The following PRRC2B variants were observed in gnomAD, a reference collection of about 807,000 sequenced individuals.
The protein encoded by PRRC2B is protein PRRC2B.
PRRC2B carries 68 observed loss-of-function variants against 242.3 expected under a neutral mutation model. The ratio of observed to expected loss-of-function variants is 0.28; its 90% confidence interval spans 0.23 to 0.34. The LOEUF (loss-of-function observed/expected upper bound fraction) is 0.34. Among genes scored for constraint, PRRC2B ranks in the 10% least tolerant of loss-of-function variants. The pLI is 1.00. For missense variants in PRRC2B, 2,835 were observed against 2,954.8 expected, an observed-to-expected ratio of 0.96 and a Z score of 0.94; for synonymous variants, 1,228 against 1,173.6, an observed-to-expected ratio of 1.05 and a Z score of -0.95.
intron 1 of PRRC2B, among the ~76,000 whole-genome samples, chr9:131,408,980 A>G (rs566715407): frequency 6.0e-5 from 9 of 149,292 alleles, no homozygotes; most frequent in East Asian, 2.0e-4. Context: ...CGGCCTCCCA[A>G]AGTGCTGGGA....
At chr9:131,416,333 C>A (rs2131303439) in intron 1 of PRRC2B, among the ~76,000 whole-genome samples, 1 of 152,104 alleles carries the variant, frequency 6.6e-6, no homozygotes, top group African/African-American at 2.4e-5. Context: ...GGTCTCGAAC[C>A]CCTGACCTCA....
At chr9:131,457,538 G>A (rs750510791) in intron 10 of PRRC2B, among the ~76,000 whole-genome samples, 11 of 152,312 alleles carry the variant, frequency 7.2e-5, no homozygotes, top group South Asian at 4.1e-4. Flanking sequence ...TAGAGACTTA[G>A]TGCATGCATC....
intron 1 of PRRC2B, among the ~76,000 whole-genome samples, chr9:131,412,616 G>A (rs1174532506): frequency 6.6e-6 from 1 of 152,208 alleles, no homozygotes; most frequent in East Asian, 1.9e-4. Flanking sequence ...TCCTTGCTCT[G>A]CTGACGCTGT....
At chr9:131,408,605 T>C (rs1373440848) in intron 1 of PRRC2B, among the ~76,000 whole-genome samples, 1 of 152,228 alleles carries the variant, frequency 6.6e-6, no homozygotes, top group African/African-American at 2.4e-5. Context: ...TTCCTGCATT[T>C]GTAGAGAAGA....
chr9:131,448,549 A>AAAAAAAAAAAAAAAC (rs1838894259), intron 9 of PRRC2B, among the ~76,000 whole-genome samples: 15 of 85,930 alleles, frequency 1.7e-4, no homozygotes, highest in Non-Finnish European at 2.7e-4. Flanking sequence ...GTCTCAAAAA[A>AAAAAAAAAAAAAAAC]AAAAAAAAAA....
chr9:131,473,395 T>C, intron 14 of PRRC2B, 113 bp from the exon 15 acceptor site: 2 of 738,468 alleles, frequency 2.7e-6, no homozygotes, highest in Non-Finnish European at 2.2e-6. Flanking sequence ...TGGGGTGCTG[T>C]ATCCACATGA....
rs187157895 is a variant in PRRC2B, at chr9:131,486,081, C to T, written c.5759-4C>T. Reference sequence around the variant, plus strand: ...CTACGTCCCTTTTGCCGCTCTGTTTCCAGGCAGCCACCTCCCGCCCCTGTA... The same window carrying T: ...CTACGTCCCTTTTGCCGCTCTGTTTTCAGGCAGCCACCTCCCGCCCCTGTA... On this transcript the variant is annotated splice_polypyrimidine_tract_variant and splice_region_variant and intron_variant, in intron 25 of 31. Transcript: ENST00000683519. 8.2e-5 allele frequency: 131 copies of T among 1,607,018 alleles called. No individual in the cohort carries two copies. The African/African-American group carries it at 1.6e-3, about 19-fold the overall frequency.
intron 5 of PRRC2B, among the ~76,000 whole-genome samples, chr9:131,439,465 G>C (rs1838483808): frequency 2.6e-5 from 4 of 152,234 alleles, no homozygotes; most frequent in African/African-American, 9.6e-5. Context: ...CTGTAAAGCA[G>C]CACTGGCTGC....
chr9:131,459,058 A>T (rs1943165722), intron 10 of PRRC2B, 106 bp from the exon 11 acceptor site: 6 of 967,048 alleles, frequency 6.2e-6, no homozygotes, highest in Non-Finnish European at 9.5e-6. Flanking sequence ...TAATGAAGAA[A>T]ATGATTTGGA....
intron 13 of PRRC2B, among the ~76,000 whole-genome samples, chr9:131,470,077 T>C (rs1443126966): frequency 6.6e-6 from 1 of 152,054 alleles, no homozygotes; most frequent in Non-Finnish European, 1.5e-5. Flanking sequence ...GAAGAGGCGC[T>C]TACCTAGGGG....
chr9:131,386,659 C>A (rs1323263121), intron 1 of PRRC2B, among the ~76,000 whole-genome samples: 2 of 150,038 alleles, frequency 1.3e-5, no homozygotes, highest in African/African-American at 4.9e-5. Flanking sequence ...TCTGTTGTAG[C>A]CAATGAGGTC....
intron 11 of PRRC2B, among the ~76,000 whole-genome samples, chr9:131,463,542 C>G (rs1455322152): frequency 1.3e-5 from 2 of 151,820 alleles, no homozygotes; most frequent in East Asian, 3.9e-4. Context: ...CCCCTGCAGA[C>G]CAGTAAGAAA....
At chr9:131,492,381 C>A (rs1164406185) in intron 30 of PRRC2B, 121 bp downstream of exon 30, 3 of 701,904 alleles carry the variant, frequency 4.3e-6, no homozygotes, top group Non-Finnish European at 7.5e-6. Flanking sequence ...CCTCTATGGG[C>A]CATGTGTCAC....
intron 28 of PRRC2B, 161 bp from the exon 29 acceptor site, chr9:131,491,264 T>A (rs1318007804): frequency 1.4e-6 from 1 of 711,036 alleles, no homozygotes; most frequent in East Asian, 3.0e-5. Flanking sequence ...CGATCTCTCC[T>A]GTGCTGCAGT....
intron 30 of PRRC2B, among the ~76,000 whole-genome samples, chr9:131,493,679 C>T (rs2131489011): frequency 6.6e-6 from 1 of 152,296 alleles, no homozygotes; most frequent in South Asian, 2.1e-4. Context: ...GCAGTGTTTG[C>T]CAAAGTGTTC....
chr9:131,377,031 T>G (rs970197837), intron 1 of PRRC2B, among the ~76,000 whole-genome samples: 1 of 152,160 alleles, frequency 6.6e-6, no homozygotes, highest in African/African-American at 2.4e-5. Context: ...AAAAAAAGTT[T>G]GTTGTGATGC....
chr9:131,449,759 T>C (rs1249368150), intron 9 of PRRC2B, among the ~76,000 whole-genome samples: 2 of 152,190 alleles, frequency 1.3e-5, no homozygotes, highest in African/African-American at 4.8e-5. Context: ...TTTACAAATT[T>C]GGGTTTTTTT....
intron 23 of PRRC2B, among the ~76,000 whole-genome samples, chr9:131,484,105 T>C (rs1406605566): frequency 6.6e-6 from 1 of 152,218 alleles, no homozygotes; most frequent in Non-Finnish European, 1.5e-5. Flanking sequence ...GGTTCTTTAC[T>C]CGAGAGTCTG....
rs751090675 is a variant in PRRC2B at position 131,475,089 on chromosome 9, A to G, written c.2960A>G (p.Glu987Gly). The G allele has an allele frequency of 1.7e-5, 28 of 1,611,080 alleles. No homozygotes were observed. The highest frequency in any genetic ancestry group is 2.2e-5 in the Non-Finnish European group (26 of 1,178,722). ...CAGAGCCCCACGGCAGAAAAGGATGAGGACGAAGAGAACGATGCCTCTCTG... is the reference window on the plus strand; with the variant it reads ...CAGAGCCCCACGGCAGAAAAGGATGGGGACGAAGAGAACGATGCCTCTCTG... ...KEQSPTAEKD[E>G]DEENDASLAN... The change falls in exon 16 of 32, where the codon GAG (glutamate) becomes GGG (glycine). Residue 987 changes from glutamate (E) to glycine (G), a missense_variant. Physicochemically the swap from Glu to Gly is moderately conservative, Grantham distance 98. Transcript: ENST00000683519.
Sources: allele counts gnomAD v4.1 joint callset (sites outside exome capture counted in the v4.1 genomes callset), GRCh38; gene constraint gnomAD v4.1.1; transcripts MANE v1.5; gene names NCBI Gene and HGNC (gene_info 2026-07-23, HGNC 2026-07-21).